CNTNAP2: variants seen among roughly 807,000 people sequenced by gnomAD.
The protein encoded by CNTNAP2 is contactin associated protein 2, also known as contactin-associated protein-like 2.
Under a neutral mutation model 155.2 loss-of-function variants are expected in CNTNAP2, and 98 were observed. The observed-to-expected ratio is 0.63, with a 90% CI of 0.54 to 0.75. The LOEUF is 0.75. Ranked by LOEUF, CNTNAP2 falls within the 30% of genes least tolerant of loss-of-function variation. The probability of loss-of-function intolerance (pLI) is 0.00; values close to 1 mark genes in which losing one functional copy is unlikely to be tolerated. For synonymous variants in CNTNAP2, 651 were observed against 631.2 expected (o/e 1.03, Z -0.47); for missense variants, 1,727 against 1,688.1 (o/e 1.02, Z -0.40).
chr7:146,843,551 A>G (rs562401381), intron 3 of CNTNAP2, among the ~76,000 whole-genome samples: 60 of 150,336 alleles, frequency 4.0e-4, no homozygotes, highest in Non-Finnish European at 7.8e-4. Context: ...TAATGATTAC[A>G]TTATTTAATA....
chr7:147,548,673 T>G (rs1799790111), intron 11 of CNTNAP2, among the ~76,000 whole-genome samples: 2 of 152,208 alleles, frequency 1.3e-5, no homozygotes, highest in South Asian at 4.1e-4. Flanking sequence ...TGTCATGAAG[T>G]CTCTGCCCAT....
intron 20 of CNTNAP2, among the ~76,000 whole-genome samples, 189 bp downstream of exon 20, chr7:148,229,968 G>T (rs1036347279): frequency 6.6e-6 from 1 of 152,150 alleles, no homozygotes; most frequent in Non-Finnish European, 1.5e-5. Flanking sequence ...CAATGATGAA[G>T]TTGAAGACAT....
chr7:147,314,672 G>A (rs970010977), intron 9 of CNTNAP2, among the ~76,000 whole-genome samples: 1 of 150,952 alleles, frequency 6.6e-6, no homozygotes, highest in East Asian at 1.9e-4. Context: ...TAATATCTTT[G>A]GAACTTTTCC....
chr7:147,133,795 G>T (rs139744582), intron 8 of CNTNAP2, among the ~76,000 whole-genome samples: 4 of 152,162 alleles, frequency 2.6e-5, no homozygotes, highest in African/African-American at 9.6e-5. Flanking sequence ...TGTCAGAGAT[G>T]TGCCTAAATT....
At chr7:148,254,574 A>T (rs993114545) in intron 20 of CNTNAP2, among the ~76,000 whole-genome samples, 18 of 152,108 alleles carry the variant, frequency 1.2e-4, no homozygotes, top group Non-Finnish European at 1.5e-4. Context: ...CAGGAGATCG[A>T]GACCATCCTG....
chr7:146,277,730 A>G (rs1800186074), intron 1 of CNTNAP2, among the ~76,000 whole-genome samples: 1 of 152,226 alleles, frequency 6.6e-6, no homozygotes, highest in Non-Finnish European at 1.5e-5. Context: ...ATTGCAATAT[A>G]AAACAGAAAG....
chr7:148,287,709 C>T (rs185595700), intron 21 of CNTNAP2, among the ~76,000 whole-genome samples: 4 of 152,046 alleles, frequency 2.6e-5, no homozygotes, highest in Admixed American at 1.3e-4. Flanking sequence ...CTTGCTGTGT[C>T]ATGGCATGGT....
At chr7:147,766,280 G>A (rs1584944729) in intron 13 of CNTNAP2, among the ~76,000 whole-genome samples, 1 of 151,942 alleles carries the variant, frequency 6.6e-6, no homozygotes, top group East Asian at 1.9e-4. Flanking sequence ...TTGGAAAGTT[G>A]GTACCTATGT....
intron 13 of CNTNAP2, among the ~76,000 whole-genome samples, chr7:147,858,874 C>A (rs972879790): frequency 1.3e-5 from 2 of 152,162 alleles, no homozygotes; most frequent in African/African-American, 4.8e-5. Context: ...GCATTTTGGA[C>A]TTTTAGTCTC....
At chr7:147,178,057 C>T (rs961101762) in intron 8 of CNTNAP2, among the ~76,000 whole-genome samples, 2 of 152,106 alleles carry the variant, frequency 1.3e-5, no homozygotes, top group Non-Finnish European at 2.9e-5. Context: ...TCCGCCCCCC[C>T]ACCACGAAGA....
intron 13 of CNTNAP2, among the ~76,000 whole-genome samples, chr7:147,892,634 C>T (rs189081717): frequency 5.3e-5 from 8 of 152,290 alleles, no homozygotes; most frequent in African/African-American, 1.7e-4. Flanking sequence ...TTGAATAAGA[C>T]TTAAAGTGAT....
At chr7:146,640,619 A>C (rs1266481689) in intron 1 of CNTNAP2, among the ~76,000 whole-genome samples, 1 of 152,146 alleles carries the variant, frequency 6.6e-6, no homozygotes, top group Non-Finnish European at 1.5e-5. Flanking sequence ...AGAGGATTTT[A>C]CTATTGGGCT....
At chr7:146,574,264 A>G (rs1285600199) in intron 1 of CNTNAP2, among the ~76,000 whole-genome samples, 2 of 152,174 alleles carry the variant, frequency 1.3e-5, no homozygotes, top group African/African-American at 4.8e-5. Context: ...GATGAGTTGT[A>G]TTGGTTTTTG....
intron 5 of CNTNAP2, among the ~76,000 whole-genome samples, chr7:147,111,548 A>C (rs985764586): frequency 6.6e-6 from 1 of 152,074 alleles, no homozygotes; most frequent in African/African-American, 2.4e-5. Flanking sequence ...TTTTTTGTAC[A>C]GTGTAAGGAA....
At chr7:146,200,774 C>A (rs1291006120) in intron 1 of CNTNAP2, among the ~76,000 whole-genome samples, 1 of 152,126 alleles carries the variant, frequency 6.6e-6, no homozygotes, top group Non-Finnish European at 1.5e-5. Context: ...CTGGAGGACA[C>A]ATTTCTTAAA....
intron 3 of CNTNAP2, among the ~76,000 whole-genome samples, chr7:146,967,641 AT>A (rs1338212994): frequency 6.6e-6 from 1 of 152,114 alleles, no homozygotes. Context: ...AAAGCTTGTG[AT>A]TTTTGTACAT....
intron 8 of CNTNAP2, among the ~76,000 whole-genome samples, chr7:147,264,748 G>A (rs1804569492): frequency 6.6e-6 from 1 of 151,792 alleles, no homozygotes; most frequent in African/African-American, 2.4e-5. Flanking sequence ...GGAGGATGCA[G>A]CAAGACAGGT....
In CNTNAP2 at chr7:146,279,960, CGT is replaced by C. The variant is rs544243537; in HGVS notation, c.97+162988_97+162989del. On this transcript the variant is annotated intron_variant, in intron 1 of 23. Coordinates refer to ENST00000361727, the MANE Select transcript of CNTNAP2 (RefSeq NM_014141.6). ...AACTGTAGAATTATAAATTACTATA[CGT>C]ATCATATTATGAATATACTATAATT... 2.0e-3 allele frequency among the ~76,000 whole-genome samples: 308 copies of C among 151,064 alleles called. 3 individuals are homozygous for C. Among genetic ancestry groups the C allele is most frequent in the African/African-American group, 7.0e-3 (289 of 40,996 alleles).
intron 13 of CNTNAP2, among the ~76,000 whole-genome samples, chr7:147,874,294 C>T (rs1050018059): frequency 3.9e-5 from 6 of 152,228 alleles, no homozygotes; most frequent in Non-Finnish European, 7.3e-5. Context: ...CATGAGGGGC[C>T]TGTGCCTGCA....
Sources: gnomAD v4.1 joint callset for allele counts (sites outside exome capture counted in the v4.1 genomes callset) on GRCh38, gnomAD v4.1.1 for gene constraint, MANE v1.5 for transcripts, NCBI Gene and HGNC (gene_info 2026-07-23, HGNC 2026-07-21) for gene names.